The following CDKAL1 variants were observed in gnomAD, a reference collection of about 807,000 sequenced individuals.
The protein encoded by CDKAL1 is threonylcarbamoyladenosine tRNA methylthiotransferase.
In CDKAL1, 32 loss-of-function variants were observed where a neutral mutation model predicts 68.2. That is an observed-to-expected ratio of 0.47 (90% CI 0.35 to 0.63). The LOEUF (loss-of-function observed/expected upper bound fraction) is 0.63. CDKAL1 is among the 30% of genes least tolerant of loss of function. The probability of loss-of-function intolerance (pLI) is 0.00; values close to 1 mark genes in which losing one functional copy is unlikely to be tolerated. For synonymous variants in CDKAL1, 234 were observed against 244.3 expected (o/e 0.96, Z 0.39); for missense variants, 606 against 696.7 (o/e 0.87, Z 1.47).
intron 5 of CDKAL1, among the ~76,000 whole-genome samples, chr6:20,712,209 C>T (rs945455621): frequency 7.2e-5 from 11 of 152,186 alleles, no homozygotes; most frequent in Admixed American, 1.3e-4. Context: ...AGAGTGGTAA[C>T]AGAATACAAC....
At chr6:20,822,668 C>T (rs1037265614) in intron 8 of CDKAL1, among the ~76,000 whole-genome samples, 3 of 152,076 alleles carry the variant, frequency 2.0e-5, no homozygotes, top group African/African-American at 7.2e-5. Context: ...GATGGTTTCC[C>T]CAATGTTGTT....
chr6:20,535,055 A>G (rs187150785), intron 1 of CDKAL1: 2 of 152,296 alleles, frequency 1.3e-5, no homozygotes, highest in East Asian at 1.9e-4. Flanking sequence ...CTGGATGTCT[A>G]TCTACCTTAT....
intron 8 of CDKAL1, among the ~76,000 whole-genome samples, chr6:20,801,452 T>C (rs945315670): frequency 1.3e-5 from 2 of 152,248 alleles, no homozygotes; most frequent in African/African-American, 2.4e-5. Context: ...ATCTTTATTA[T>C]GTCATATCTT....
chr6:20,972,756 A>G (rs1765657125), intron 10 of CDKAL1, among the ~76,000 whole-genome samples: 1 of 152,152 alleles, frequency 6.6e-6, no homozygotes, highest in Non-Finnish European at 1.5e-5. Context: ...CCGTGAAAGG[A>G]GAACTGAGCA....
At chr6:20,700,776 C>CCT (rs1771314699) in intron 5 of CDKAL1, among the ~76,000 whole-genome samples, 1 of 152,074 alleles carries the variant, frequency 6.6e-6, no homozygotes, top group South Asian at 2.1e-4. Flanking sequence ...GACTTCAGGA[C>CCT]CAGATGGAAC....
intron 5 of CDKAL1, among the ~76,000 whole-genome samples, chr6:20,667,855 A>C (rs1769627644): frequency 6.6e-6 from 1 of 152,168 alleles, no homozygotes; most frequent in African/African-American, 2.4e-5. Flanking sequence ...AACAAATGCT[A>C]ATATTTTACC....
chr6:20,785,027 C>G (rs1775609285), intron 8 of CDKAL1, among the ~76,000 whole-genome samples: 1 of 152,034 alleles, frequency 6.6e-6, no homozygotes, highest in Non-Finnish European at 1.5e-5. Flanking sequence ...TGGGCCTGCT[C>G]TTTAAAAGAT....
chr6:20,644,169 T>A (rs1006600844), intron 4 of CDKAL1, among the ~76,000 whole-genome samples: 2 of 151,494 alleles, frequency 1.3e-5, no homozygotes, highest in Admixed American at 6.6e-5. Context: ...TTTAATTTTT[T>A]AAAATCAGAT....
At chr6:20,850,774 G>A (rs1448291600) in intron 9 of CDKAL1, among the ~76,000 whole-genome samples, 2 of 152,116 alleles carry the variant, frequency 1.3e-5, no homozygotes, top group Admixed American at 1.3e-4. Context: ...TCTAATGAAT[G>A]AGGAGACTAA....
intron 9 of CDKAL1, among the ~76,000 whole-genome samples, chr6:20,947,540 A>G (rs1262223000): frequency 6.6e-6 from 1 of 152,192 alleles, no homozygotes; most frequent in Non-Finnish European, 1.5e-5. Context: ...GCAGTGACCC[A>G]TGATCACACC....
At chr6:21,097,432 C>T (rs1268658025) in intron 12 of CDKAL1, among the ~76,000 whole-genome samples, 1 of 151,198 alleles carries the variant, frequency 6.6e-6, no homozygotes, top group African/African-American at 2.4e-5. Flanking sequence ...TGTGCCACTG[C>T]ACTTCAGCCT....
chr6:21,149,348 G>A (rs1444877052), intron 13 of CDKAL1, among the ~76,000 whole-genome samples: 1 of 152,004 alleles, frequency 6.6e-6, no homozygotes, highest in Non-Finnish European at 1.5e-5. Context: ...GTTTCGCCAT[G>A]TTAGCCAGGC....
intron 9 of CDKAL1, among the ~76,000 whole-genome samples, chr6:20,869,562 T>C (rs894884739): frequency 3.3e-5 from 5 of 152,164 alleles, no homozygotes. Context: ...AGTATAAACA[T>C]ACTAAACTCC....
rs1768096696 is a variant in CDKAL1 at position 20,640,037 on chromosome 6, A to G, written c.287-9256A>G. Among the ~76,000 whole-genome samples the G allele has an allele frequency of 2.0e-5, 3 of 152,252 alleles. No individual in the cohort carries two copies. The South Asian group carries it at 6.2e-4, about 31-fold the overall frequency. On this transcript the variant is annotated intron_variant, in intron 4 of 15. Transcript: ENST00000274695. Reference sequence around the variant, plus strand: ...GGGTGCTTTCGAATTCTCTTATTAAAGCATACTCTATTCTCAGTTTTTAGT... The same window carrying G: ...GGGTGCTTTCGAATTCTCTTATTAAGGCATACTCTATTCTCAGTTTTTAGT...
intron 9 of CDKAL1, among the ~76,000 whole-genome samples, chr6:20,904,305 G>T (rs1037296910): frequency 6.6e-6 from 1 of 152,146 alleles, no homozygotes; most frequent in African/African-American, 2.4e-5. Flanking sequence ...GGAGGCCAAG[G>T]TGGGAGGATT....
At chr6:20,824,752 G>C (rs1248617344) in intron 8 of CDKAL1, among the ~76,000 whole-genome samples, 2 of 152,140 alleles carry the variant, frequency 1.3e-5, no homozygotes, top group African/African-American at 4.8e-5. Flanking sequence ...CTACACGTAG[G>C]GGGAAAGGAT....
intron 14 of CDKAL1, 141 bp from the exon 15 acceptor site, chr6:21,200,969 A>T (rs1429430780): frequency 3.1e-6 from 2 of 647,296 alleles, no homozygotes; most frequent in South Asian, 2.8e-5. Flanking sequence ...CTAATGTAAG[A>T]CGGTAAATAA....
intron 4 of CDKAL1, among the ~76,000 whole-genome samples, chr6:20,596,818 G>A (rs1407835389): frequency 6.6e-6 from 1 of 152,218 alleles, no homozygotes; most frequent in Non-Finnish European, 1.5e-5. Context: ...GAAGACCATG[G>A]GAAAAGTGTA....
intron 8 of CDKAL1, among the ~76,000 whole-genome samples, chr6:20,803,356 A>T (rs1466302901): frequency 6.6e-6 from 1 of 152,156 alleles, no homozygotes; most frequent in Non-Finnish European, 1.5e-5. Context: ...TGTGTATGCC[A>T]TTACTTCTGC....
Sources: gnomAD v4.1 joint callset for allele counts (sites outside exome capture counted in the v4.1 genomes callset) on GRCh38, gnomAD v4.1.1 for gene constraint, MANE v1.5 for transcripts, NCBI Gene and HGNC (gene_info 2026-07-23, HGNC 2026-07-21) for gene names.